The following GLIS3 variants were observed in gnomAD, a reference collection of about 807,000 sequenced individuals.
The protein encoded by GLIS3 is GLIS family zinc finger 3.
GLIS3 carries 53 observed loss-of-function variants against 78.6 expected under a neutral mutation model. That is an observed-to-expected ratio of 0.67 (90% CI 0.54 to 0.85). The LOEUF (loss-of-function observed/expected upper bound fraction) is 0.85. GLIS3 is among the 40% of genes least tolerant of loss of function. The probability of loss-of-function intolerance (pLI) is 0.00; values close to 1 mark genes in which losing one functional copy is unlikely to be tolerated. For synonymous variants in GLIS3, 684 were observed against 509.9 expected (o/e 1.34, Z -4.60); for missense variants, 1,703 against 1,231.1 (o/e 1.38, Z -5.74).
chr9:4,234,568 T>C (rs1034573043), intron 2 of GLIS3, among the ~76,000 whole-genome samples: 7 of 152,138 alleles, frequency 4.6e-5, no homozygotes, highest in South Asian at 2.1e-4. Context: ...ATCTTCGTAA[T>C]AGATATTATA....
intron 2 of GLIS3, among the ~76,000 whole-genome samples, chr9:4,145,606 A>T (rs1834161981): frequency 6.6e-6 from 1 of 152,168 alleles, no homozygotes; most frequent in African/African-American, 2.4e-5. Context: ...ATGAACACCG[A>T]CTTTTACAGC....
intron 2 of GLIS3, among the ~76,000 whole-genome samples, chr9:4,216,223 A>G (rs1820817939): frequency 6.6e-6 from 1 of 152,154 alleles, no homozygotes; most frequent in Non-Finnish European, 1.5e-5. Context: ...CTGTAATCCC[A>G]GCACTTTGGG....
At chr9:4,444,313 G>C in the GLIS3 span, among the ~76,000 whole-genome samples, 1 of 152,252 alleles carries the variant, frequency 6.6e-6, no homozygotes, top group South Asian at 2.1e-4. Context: ...AGACATCTAA[G>C]CAATGTCCTT....
At chr9:3,883,608 C>T (rs1405722275) in intron 7 of GLIS3, among the ~76,000 whole-genome samples, 1 of 152,172 alleles carries the variant, frequency 6.6e-6, no homozygotes, top group Admixed American at 6.5e-5. Flanking sequence ...AGAGCTGATC[C>T]CTCCAGGATA....
chr9:4,453,147 A>T, the GLIS3 span, among the ~76,000 whole-genome samples: 134 of 152,308 alleles, frequency 8.8e-4, 2 homozygotes, highest in Middle Eastern at 3.4e-3. Context: ...CTTACACCTT[A>T]TACAAAAATT....
At chr9:3,996,606 A>G (rs1218808516) in intron 4 of GLIS3, among the ~76,000 whole-genome samples, 5 of 152,220 alleles carry the variant, frequency 3.3e-5, no homozygotes. Flanking sequence ...AGCAAATAAA[A>G]AATTGTTTAC....
chr9:4,475,760 T>A, the GLIS3 span, among the ~76,000 whole-genome samples: 2 of 152,192 alleles, frequency 1.3e-5, no homozygotes, highest in Non-Finnish European at 2.9e-5. Flanking sequence ...TATAACTGTG[T>A]GTTTATATTT....
At chr9:4,352,940 C>T (rs1199354626), upstream of GLIS3, among the ~76,000 whole-genome samples, 1 of 152,176 alleles carries the variant, frequency 6.6e-6, no homozygotes, top group Admixed American at 6.5e-5. Context: ...TAAGTAGCCA[C>T]TTGTCAGGCT....
At chr9:4,396,300 T>C in the GLIS3 span, among the ~76,000 whole-genome samples, 11 of 152,072 alleles carry the variant, frequency 7.2e-5, no homozygotes, top group Non-Finnish European at 1.5e-4. Context: ...TTTGCATTTT[T>C]AGTAGAGACA....
chr9:3,914,802 G>A (rs556835997), intron 6 of GLIS3, among the ~76,000 whole-genome samples: 31 of 152,244 alleles, frequency 2.0e-4, no homozygotes, highest in Non-Finnish European at 2.5e-4. Flanking sequence ...TTCTGACCAC[G>A]GATTGAGTAA....
intron 2 of GLIS3, among the ~76,000 whole-genome samples, chr9:4,231,496 A>C (rs1009000282): frequency 3.9e-5 from 6 of 152,248 alleles, no homozygotes; most frequent in African/African-American, 1.4e-4. Flanking sequence ...GAGATCTTCC[A>C]GAATTAGAGA....
the GLIS3 span, among the ~76,000 whole-genome samples, chr9:4,389,475 T>C: frequency 0.017 from 2,621 of 152,318 alleles, 73 homozygotes; most frequent in African/African-American, 0.06. Flanking sequence ...TTCCAAAGGC[T>C]GCTGGAACTA....
At chr9:3,844,993 T>G (rs1324109284) in intron 9 of GLIS3, among the ~76,000 whole-genome samples, 1 of 152,172 alleles carries the variant, frequency 6.6e-6, no homozygotes, top group African/African-American at 2.4e-5. Flanking sequence ...CTATCCAACT[T>G]TAAAATGTGC....
At position 3,995,043 on chromosome 9, in the gene GLIS3, C is replaced by G. The variant is rs193076347; in HGVS notation, c.1711-57854G>C. Among the ~76,000 whole-genome samples, 4 of 152,246 alleles carry G rather than the reference C, an allele frequency of 2.6e-5. No individual in the cohort carries two copies. In the East Asian group the frequency reaches 5.8e-4, roughly 22 times the overall value. On this transcript the variant is annotated intron_variant, in intron 4 of 10. Coordinates refer to ENST00000381971, the MANE Select transcript of GLIS3 (RefSeq NM_001042413.2). ...TCAAAGTATGGGTCTAGATTTGGAT[C>G]TGAGTTTAAACAGACATCCACATTC...
Position 3,829,396 on chromosome 9 carries a change from A to G in GLIS3, c.2570T>C (p.Phe857Ser). The G allele has an allele frequency of 6.2e-7, 1 of 1,614,052 alleles. No homozygotes were observed. Among genetic ancestry groups the G allele is most frequent in the East Asian group, 2.2e-5 (1 of 44,868 alleles). Residue 857 changes from phenylalanine to serine, a missense_variant, in exon 10 of 11, where the codon TTT becomes TCT. Coordinates refer to ENST00000381971, the MANE Select transcript of GLIS3 (RefSeq NM_001042413.2). ...PVSSCSVVPS[F>S]EDCLVPTSMG... ...GGATGTAGGGACTAGGCAGTCCTCA[A>G]ACGAAGGCACCACACTGCAGGAGCT...
At chr9:3,901,574 A>C (rs566466363) in intron 6 of GLIS3, among the ~76,000 whole-genome samples, 1 of 152,346 alleles carries the variant, frequency 6.6e-6, no homozygotes, top group African/African-American at 2.4e-5. Context: ...TACAACAGTA[A>C]GTTACTGTTT....
chr9:4,345,412 A>G (rs1249847189), intron 2 of GLIS3, among the ~76,000 whole-genome samples: 6 of 152,118 alleles, frequency 3.9e-5, no homozygotes, highest in African/African-American at 1.4e-4. Flanking sequence ...ATTGACATAT[A>G]TTTTCCATAT....
At chr9:4,098,576 T>C (rs1428164287) in intron 4 of GLIS3, among the ~76,000 whole-genome samples, 1 of 152,206 alleles carries the variant, frequency 6.6e-6, no homozygotes, top group Non-Finnish European at 1.5e-5. Flanking sequence ...GCAGCATTTC[T>C]TTCTCCCAAC....
intron 2 of GLIS3, among the ~76,000 whole-genome samples, chr9:4,131,640 C>T (rs773970157): frequency 4.3e-4 from 65 of 152,310 alleles, no homozygotes; most frequent in Middle Eastern, 3.4e-3. Flanking sequence ...TGAAAGTTTC[C>T]TGAGGCCACC....
Sources: allele counts gnomAD v4.1 joint callset (sites outside exome capture counted in the v4.1 genomes callset), GRCh38; gene constraint gnomAD v4.1.1; transcripts MANE v1.5; gene names NCBI Gene and HGNC (gene_info 2026-07-23, HGNC 2026-07-21).